The following PTPRD variants were observed in gnomAD, a reference collection of about 807,000 sequenced individuals.
PTPRD encodes receptor-type tyrosine-protein phosphatase delta.
In PTPRD, 34 loss-of-function variants were observed where a neutral mutation model predicts 214.5. The observed-to-expected ratio is 0.16, with a 90% CI of 0.12 to 0.21. The LOEUF (loss-of-function observed/expected upper bound fraction) is 0.21. Ranked by LOEUF, PTPRD falls within the 10% of genes least tolerant of loss-of-function variation. The pLI, the probability that PTPRD is intolerant of heterozygous loss-of-function variation, is 1.00. For missense variants in PTPRD, 2,545 were observed against 2,398.7 expected (o/e 1.06, Z -1.27); for synonymous variants, 1,128 against 845.7 (o/e 1.33, Z -5.79).
intron 9 of PTPRD, among the ~76,000 whole-genome samples, chr9:9,275,124 T>A (rs1260400407): frequency 1.4e-4 from 8 of 58,870 alleles, no homozygotes; most frequent in Non-Finnish European, 1.5e-4. Context: ...ATATATTATA[T>A]ATATTATATA....
chr9:10,034,830 G>C (rs2097148903), intron 3 of PTPRD, among the ~76,000 whole-genome samples: 2 of 152,068 alleles, frequency 1.3e-5, no homozygotes, highest in South Asian at 4.1e-4. Context: ...GTCTATTATT[G>C]ATGGTCATTT....
At chr9:9,936,806 C>A (rs2089630333) in intron 5 of PTPRD, among the ~76,000 whole-genome samples, 1 of 140,898 alleles carries the variant, frequency 7.1e-6, no homozygotes, top group African/African-American at 2.7e-5. Flanking sequence ...TTCACAATAG[C>A]AAAGACTTGG....
chr9:8,811,360 G>C (rs2096799036), intron 11 of PTPRD, among the ~76,000 whole-genome samples: 1 of 152,010 alleles, frequency 6.6e-6, no homozygotes, highest in Non-Finnish European at 1.5e-5. Context: ...TAGGCTATGA[G>C]CACAACCTGT....
chr9:10,055,368 G>A (rs562549984), intron 3 of PTPRD, among the ~76,000 whole-genome samples: 2 of 152,000 alleles, frequency 1.3e-5, no homozygotes, highest in South Asian at 2.1e-4. Flanking sequence ...GAATACTTAC[G>A]AATAGGAGAC....
intron 3 of PTPRD, among the ~76,000 whole-genome samples, chr9:10,142,607 T>G (rs923371719): frequency 6.7e-6 from 1 of 149,856 alleles, no homozygotes; most frequent in Non-Finnish European, 1.5e-5. Context: ...ATGGCAATCA[T>G]TAAAAAGTCA....
chr9:10,592,111 A>T (rs2075602292), intron 2 of PTPRD, among the ~76,000 whole-genome samples: 1 of 152,130 alleles, frequency 6.6e-6, no homozygotes, highest in East Asian at 1.9e-4. Context: ...TCTAGTGATG[A>T]GTATTAAGAC....
intron 3 of PTPRD, among the ~76,000 whole-genome samples, chr9:10,093,463 C>G (rs1479216763): frequency 6.6e-6 from 1 of 151,114 alleles, no homozygotes; most frequent in East Asian, 2.0e-4. Flanking sequence ...CCTGGCATGG[C>G]AGCAGAAAAA....
intron 3 of PTPRD, among the ~76,000 whole-genome samples, chr9:10,186,253 G>T (rs1025444048): frequency 3.3e-5 from 5 of 151,952 alleles, no homozygotes; most frequent in African/African-American, 9.7e-5. Flanking sequence ...TGACCTATAT[G>T]CAACGTAGCA....
At chr9:10,278,833 A>T (rs12005178) in intron 3 of PTPRD, among the ~76,000 whole-genome samples, 1 of 151,342 alleles carries the variant, frequency 6.6e-6, no homozygotes, top group Non-Finnish European at 1.5e-5. Context: ...GGAGTGCAGT[A>T]GCGCGATCTC....
intron 5 of PTPRD, among the ~76,000 whole-genome samples, chr9:9,768,889 C>G (rs1183503670): frequency 6.6e-6 from 1 of 152,146 alleles, no homozygotes; most frequent in East Asian, 1.9e-4. Flanking sequence ...AGACAAACTT[C>G]AGTTTGTAAC....
chr9:9,709,852 A>C (rs879654227), intron 7 of PTPRD, among the ~76,000 whole-genome samples: 1 of 152,076 alleles, frequency 6.6e-6, no homozygotes, highest in Non-Finnish European at 1.5e-5. Context: ...CTCTATGTAT[A>C]CGTATGTATG....
chr9:8,880,669 G>A (rs1370579634), intron 11 of PTPRD, among the ~76,000 whole-genome samples: 1 of 152,068 alleles, frequency 6.6e-6, no homozygotes, highest in Non-Finnish European at 1.5e-5. Context: ...CTTAGAGCAT[G>A]AGCAAGAAGC....
intron 37 of PTPRD, among the ~76,000 whole-genome samples, chr9:8,378,326 T>A (rs2083875311): frequency 6.6e-6 from 1 of 152,054 alleles, no homozygotes; most frequent in African/African-American, 2.4e-5. Flanking sequence ...TATATGTTCT[T>A]TCACCATAAG....
At chr9:9,500,238 T>G (rs558651055) in intron 8 of PTPRD, among the ~76,000 whole-genome samples, 12 of 152,234 alleles carry the variant, frequency 7.9e-5, no homozygotes, top group African/African-American at 2.9e-4. Context: ...CCAGCCATGA[T>G]AGAGAAAGTC....
At chr9:9,999,333 T>C (rs2096252527) in intron 4 of PTPRD, among the ~76,000 whole-genome samples, 1 of 152,148 alleles carries the variant, frequency 6.6e-6, no homozygotes, top group African/African-American at 2.4e-5. Context: ...TAGAAGACCT[T>C]AGGCTGAAAA....
At chr9:10,119,730 C>T (rs1210658942) in intron 3 of PTPRD, among the ~76,000 whole-genome samples, 3 of 151,932 alleles carry the variant, frequency 2.0e-5, no homozygotes, top group African/African-American at 7.2e-5. Context: ...GAAGGGAAAT[C>T]ATCGTCTTCT....
intron 14 of PTPRD, among the ~76,000 whole-genome samples, chr9:8,625,075 T>C (rs2154305639): frequency 6.6e-6 from 1 of 151,892 alleles, no homozygotes; most frequent in South Asian, 2.1e-4. Flanking sequence ...CATAGAAAAC[T>C]GTAATGGAGC....
At chr9:10,345,600 C>A (rs1015640616) in intron 2 of PTPRD, among the ~76,000 whole-genome samples, 5 of 151,536 alleles carry the variant, frequency 3.3e-5, no homozygotes, top group African/African-American at 2.4e-5. Flanking sequence ...TGAACTCATC[C>A]TTTTTGTGGC....
chr9:8,361,188 A>G (rs970427883), intron 39 of PTPRD, among the ~76,000 whole-genome samples: 38 of 152,288 alleles, frequency 2.5e-4, no homozygotes, highest in African/African-American at 7.0e-4. Context: ...TTTCTTCTCA[A>G]TGAAGTAGCA....
Sources: gnomAD v4.1 joint callset for allele counts (sites outside exome capture counted in the v4.1 genomes callset) on GRCh38, gnomAD v4.1.1 for gene constraint, MANE v1.5 for transcripts, NCBI Gene and HGNC (gene_info 2026-07-23, HGNC 2026-07-21) for gene names.